The following SNTB2 variants were observed in gnomAD, a reference collection of about 807,000 sequenced individuals.
SNTB2 encodes the protein beta-2-syntrophin.
Under a neutral mutation model 46.2 loss-of-function variants are expected in SNTB2, and 34 were observed. The observed-to-expected ratio is 0.74, with a 90% CI of 0.56 to 0.98. The LOEUF (loss-of-function observed/expected upper bound fraction) is 0.98, where lower values mean the gene tolerates loss of function less well. SNTB2 is among the 50% of genes least tolerant of loss of function. SNTB2 has a pLI of 0.00. For missense variants in SNTB2, 603 were observed against 731.4 expected (o/e 0.82, Z 2.02); for synonymous variants, 290 against 312.6 (o/e 0.93, Z 0.76).
intron 1 of SNTB2, among the ~76,000 whole-genome samples, chr16:69,239,572 AG>A (rs1434831065): frequency 1.3e-5 from 2 of 152,098 alleles, no homozygotes; most frequent in Non-Finnish European, 2.9e-5. Context: ...TAGTCAAGGC[AG>A]GGTCTCGCTC....
At chr16:69,251,289 T>G (rs930925201) in intron 2 of SNTB2, among the ~76,000 whole-genome samples, 2 of 151,510 alleles carry the variant, frequency 1.3e-5, no homozygotes, top group Non-Finnish European at 2.9e-5. Flanking sequence ...TGTTTATCTG[T>G]TTTTTATTGA....
chr16:69,187,764 G>T lies in SNTB2; in HGVS notation c.580+18G>T. ...GCTGGAGGGTGAGCGGGGCCGGGCG[G>T]GAGGGTGGGCAGGCCGCGGCGGCCT... On this transcript the variant is annotated intron_variant, in intron 1 of 6. Transcript: ENST00000336278. 1 of 1,366,464 alleles carries T rather than the reference G, an allele frequency of 7.3e-7. No homozygotes were observed. Among genetic ancestry groups the T allele is most frequent in the South Asian group, 1.5e-5 (1 of 66,248 alleles). The allele number at this position is 1,366,464 out of a possible 1,614,324, so 84.6% of individuals were successfully genotyped here. A position where few individuals can be genotyped will look rare whatever the true frequency, so the allele number is the denominator to read the frequency against.
chr16:69,195,898 G>C (rs1597167966), intron 1 of SNTB2, among the ~76,000 whole-genome samples: 1 of 152,138 alleles, frequency 6.6e-6, no homozygotes. Flanking sequence ...AATCTGGAGT[G>C]GGGTGGTTGC....
intron 1 of SNTB2, among the ~76,000 whole-genome samples, chr16:69,203,326 ATTG>A (rs1395913639): frequency 6.7e-6 from 1 of 148,494 alleles, no homozygotes; most frequent in Non-Finnish European, 1.5e-5. Context: ...CGTTTTTGTT[ATTG>A]TTGTTTTGTT....
At chr16:69,245,385 G>C (rs55904286) in intron 1 of SNTB2, among the ~76,000 whole-genome samples, 256 of 152,150 alleles carry the variant, frequency 1.7e-3, no homozygotes, top group Non-Finnish European at 2.8e-3. Flanking sequence ...GGTAGAGATG[G>C]GGTTTCACTA....
At chr16:69,275,846 A>G (rs1964981374) in intron 4 of SNTB2, among the ~76,000 whole-genome samples, 1 of 152,236 alleles carries the variant, frequency 6.6e-6, no homozygotes, top group Non-Finnish European at 1.5e-5. Context: ...TAAAAAAAGT[A>G]GATAACTCCT....
chr16:69,273,341 A>G (rs75325754), intron 4 of SNTB2, among the ~76,000 whole-genome samples: 4 of 152,362 alleles, frequency 2.6e-5, no homozygotes, highest in East Asian at 3.9e-4. Flanking sequence ...GTGTCCATCA[A>G]CTGATGAATG....
chr16:69,247,494 A>G (rs953186103), intron 2 of SNTB2, among the ~76,000 whole-genome samples: 4 of 152,222 alleles, frequency 2.6e-5, no homozygotes, highest in Admixed American at 6.5e-5. Context: ...CCTGATCAGG[A>G]TGGAATGGAG....
At chr16:69,295,306 C>T (rs559788684) in intron 5 of SNTB2, among the ~76,000 whole-genome samples, 57 of 136,768 alleles carry the variant, frequency 4.2e-4, no homozygotes, top group Middle Eastern at 4.8e-3. Context: ...TACAGTGGCC[C>T]GATCTTGATC....
At chr16:69,216,266 A>C (rs558606998) in intron 1 of SNTB2, among the ~76,000 whole-genome samples, 19 of 152,228 alleles carry the variant, frequency 1.2e-4, no homozygotes, top group Non-Finnish European at 2.2e-4. Context: ...TGAATTAGGT[A>C]ATAATGGTAA....
intron 5 of SNTB2, among the ~76,000 whole-genome samples, chr16:69,296,215 G>A (rs1363528182): frequency 6.6e-6 from 1 of 152,058 alleles, no homozygotes; most frequent in Admixed American, 6.6e-5. Context: ...AGGAGGCAGA[G>A]GTTGTGGTGA....
At chr16:69,235,166 C>T (rs910779471) in intron 1 of SNTB2, among the ~76,000 whole-genome samples, 4 of 151,964 alleles carry the variant, frequency 2.6e-5, no homozygotes, top group African/African-American at 9.7e-5. Context: ...CGCACGCCAC[C>T]ATGCCCAGCT....
chr16:69,262,911 G>GA (rs1205084565), intron 3 of SNTB2, among the ~76,000 whole-genome samples: 1 of 151,792 alleles, frequency 6.6e-6, no homozygotes, highest in African/African-American at 2.4e-5. Flanking sequence ...CTTGACCTCA[G>GA]GTCATCCACC....
intron 4 of SNTB2, among the ~76,000 whole-genome samples, chr16:69,272,501 C>T (rs868168544): frequency 5.5e-5 from 8 of 144,854 alleles, no homozygotes; most frequent in South Asian, 2.2e-4. Context: ...GATTGCACCA[C>T]GGCACTCCAG....
At chr16:69,297,738 C>G (rs1211411281) in intron 5 of SNTB2, among the ~76,000 whole-genome samples, 1 of 151,930 alleles carries the variant, frequency 6.6e-6, no homozygotes. Context: ...GTGGTGAAAC[C>G]CTGTCTCTAC....
chr16:69,270,199 G>A lies in SNTB2; in HGVS notation c.1062G>A (p.Glu354=). 1 of 1,614,106 alleles carries A rather than the reference G, an allele frequency of 6.2e-7. No individual in the cohort carries two copies. The highest frequency in any genetic ancestry group is 8.5e-7 in the Non-Finnish European group (1 of 1,180,026). Residue 354 remains glutamate (E), a synonymous_variant, in exon 4 of 7, where the codon GAG becomes GAA. Transcript: ENST00000336278. Reference sequence around the variant, plus strand: ...GACCTGTCCTCATGGCTGTGACTGAGAAGGATTTGCTGCTCTATGACTGTA... The same window carrying A: ...GACCTGTCCTCATGGCTGTGACTGAAAAGGATTTGCTGCTCTATGACTGTA... ...QWRPVLMAVT[E]KDLLLYDCMP... is the part of the protein sequence containing the mutation.
chr16:69,212,455 C>T (rs1567398705), intron 1 of SNTB2, among the ~76,000 whole-genome samples: 2 of 152,062 alleles, frequency 1.3e-5, no homozygotes, highest in Non-Finnish European at 2.9e-5. Context: ...TCTCCTGCCT[C>T]AGCTTCCCAA....
At chr16:69,300,552 A>G (rs1965269294) in intron 6 of SNTB2, among the ~76,000 whole-genome samples, 1 of 152,188 alleles carries the variant, frequency 6.6e-6, no homozygotes, top group African/African-American at 2.4e-5. Flanking sequence ...GCCTGGCCTT[A>G]GATTTTAAAT....
chr16:69,300,717 G>A, intron 6 of SNTB2, 115 bp from the exon 7 acceptor site: 1 of 722,446 alleles, frequency 1.4e-6, no homozygotes, highest in Non-Finnish European at 2.5e-6. Flanking sequence ...GTTCCTAAGA[G>A]TTTCCATAGC....
Sources: gnomAD v4.1 joint callset for allele counts (sites outside exome capture counted in the v4.1 genomes callset) on GRCh38, gnomAD v4.1.1 for gene constraint, MANE v1.5 for transcripts, NCBI Gene and HGNC (gene_info 2026-07-23, HGNC 2026-07-21) for gene names.